MIA2: variants seen among roughly 807,000 people sequenced by gnomAD.
MIA2 encodes the protein MIA SH3 domain ER export factor 2.
MIA2 carries 127 observed loss-of-function variants against 167.8 expected under a neutral mutation model. The observed-to-expected ratio is 0.76, with a 90% confidence interval of 0.66 to 0.88. The LOEUF (loss-of-function observed/expected upper bound fraction) is 0.88, where lower values mean the gene tolerates loss of function less well. Ranked by LOEUF, MIA2 falls within the 40% of genes least tolerant of loss-of-function variation. MIA2 has a pLI of 0.00. For missense variants in MIA2, 1,690 were observed against 1,624.7 expected (o/e 1.04, Z -0.69); for synonymous variants, 552 against 541.9 (o/e 1.02, Z -0.26).
intron 26 of MIA2, among the ~76,000 whole-genome samples, chr14:39,346,624 G>A (rs1359369834): frequency 2.0e-5 from 3 of 149,750 alleles, no homozygotes; most frequent in Admixed American, 1.3e-4. Context: ...AAATGTATTG[G>A]TAAAAGGTTT....
At chr14:39,320,625 T>A (rs2066243707) in intron 23 of MIA2, among the ~76,000 whole-genome samples, 1 of 152,196 alleles carries the variant, frequency 6.6e-6, no homozygotes, top group Non-Finnish European at 1.5e-5. Context: ...CTCCTATAAC[T>A]CTAAGATATA....
intron 14 of MIA2, among the ~76,000 whole-genome samples, chr14:39,301,774 G>C (rs140609600): frequency 2.0e-5 from 3 of 152,248 alleles, no homozygotes; most frequent in South Asian, 4.1e-4. Flanking sequence ...TCTCACTGCA[G>C]ATGTGTTTGG....
chr14:39,303,427 G>C (rs367809921), intron 15 of MIA2, 51 bp from the exon 16 acceptor site: 4 of 1,334,972 alleles, frequency 3.0e-6, no homozygotes, highest in Admixed American at 1.8e-5. Context: ...GTCTATTGTC[G>C]TATTGTACTA....
At chr14:39,383,485 A>G (rs369578776) in intron 23 of MIA2, among the ~76,000 whole-genome samples, 2 of 152,248 alleles carry the variant, frequency 1.3e-5, no homozygotes, top group Non-Finnish European at 2.9e-5. Flanking sequence ...CTAAGATACA[A>G]TCATTAAAAT....
intron 3 of MIA2, among the ~76,000 whole-genome samples, chr14:39,246,076 A>T (rs1182573898): frequency 1.3e-5 from 1 of 79,994 alleles, no homozygotes; most frequent in Non-Finnish European, 2.4e-5. Context: ...AATTATTTTT[A>T]AAAATTTTTA....
At chr14:39,315,391 A>G (rs1456572491) in intron 20 of MIA2, 1 of 263,450 alleles carries the variant, frequency 3.8e-6, no homozygotes. Context: ...GTGTATCAAC[A>G]GTGGGGTCTC....
intron 13 of MIA2, among the ~76,000 whole-genome samples, chr14:39,298,289 T>C (rs1180638743): frequency 4.0e-5 from 6 of 151,704 alleles, no homozygotes; most frequent in African/African-American, 1.2e-4. Flanking sequence ...CCTTCTCTAA[T>C]GTTTTAATAC....
At chr14:39,257,095 T>C (rs1471843501) in intron 6 of MIA2, among the ~76,000 whole-genome samples, 2 of 152,204 alleles carry the variant, frequency 1.3e-5, no homozygotes, top group Non-Finnish European at 2.9e-5. Context: ...AGATGTCTAT[T>C]AGGTCGGCTT....
chr14:39,297,107 T>G (rs546392911), intron 13 of MIA2, among the ~76,000 whole-genome samples: 1 of 147,900 alleles, frequency 6.8e-6, no homozygotes, highest in East Asian at 2.0e-4. Flanking sequence ...GATATATATT[T>G]TTTTTGTGAC....
intron 11 of MIA2, 95 bp downstream of exon 11, chr14:39,293,476 A>AC: frequency 1.1e-6 from 1 of 878,872 alleles, no homozygotes; most frequent in Non-Finnish European, 1.7e-6. Context: ...ACATTATTGT[A>AC]AAAAATGTAA....
intron 17 of MIA2, among the ~76,000 whole-genome samples, chr14:39,306,773 A>G (rs1481523960): frequency 6.6e-6 from 1 of 152,160 alleles, no homozygotes; most frequent in East Asian, 1.9e-4. Flanking sequence ...TATACACGTT[A>G]CAGGAGATGA....
At chr14:39,342,584 C>T (rs529677000) in intron 25 of MIA2, among the ~76,000 whole-genome samples, 1 of 152,254 alleles carries the variant, frequency 6.6e-6, no homozygotes, top group South Asian at 2.1e-4. Flanking sequence ...GAGGAATTGC[C>T]ACACTGACTT....
At chr14:39,346,906 T>C in intron 26 of MIA2, 3 of 328,450 alleles carry the variant, frequency 9.1e-6, no homozygotes, top group Non-Finnish European at 1.2e-5. Flanking sequence ...TTGCTCAGCC[T>C]GGAAAGTCAG....
intron 13 of MIA2, among the ~76,000 whole-genome samples, chr14:39,297,666 C>CGCGTGTGTGTGTGT (rs1555375078): frequency 7.1e-6 from 1 of 140,074 alleles, no homozygotes; most frequent in Non-Finnish European, 1.5e-5. Flanking sequence ...TAGGGTTTTG[C>CGCGTGTGTGTGTGT]GTGTGTGTGT....
intron 25 of MIA2, among the ~76,000 whole-genome samples, chr14:39,332,995 T>G (rs1314416075): frequency 1.3e-5 from 2 of 152,208 alleles, no homozygotes; most frequent in Non-Finnish European, 2.9e-5. Flanking sequence ...TTTTCAGGTC[T>G]AAAATTACCA....
rs111959557 is a variant in MIA2 at position 39,300,790 on chromosome 14, C to T, written c.2619+804C>T. 2.8e-3 allele frequency among the ~76,000 whole-genome samples: 422 copies of T among 151,540 alleles called. 1 individual carries two copies. Among genetic ancestry groups the T allele is most frequent in the Non-Finnish European group, 4.7e-3 (319 of 67,932 alleles). On this transcript the variant is annotated intron_variant, in intron 14 of 28. Coordinates refer to ENST00000640607, the MANE Select transcript of MIA2 (RefSeq NM_001329214.4). Reference sequence around the variant, plus strand: ...ATGTAACAAACCTGCACATTGTGCACGTGTATCCCAGAACTTAAAATATAA... The same window carrying T: ...ATGTAACAAACCTGCACATTGTGCATGTGTATCCCAGAACTTAAAATATAA...
intron 25 of MIA2, among the ~76,000 whole-genome samples, chr14:39,343,396 C>G (rs1321494119): frequency 6.6e-6 from 1 of 152,194 alleles, no homozygotes; most frequent in Non-Finnish European, 1.5e-5. Context: ...GTCCACCTGC[C>G]TTGGCCTCTC....
intron 25 of MIA2, among the ~76,000 whole-genome samples, chr14:39,335,726 A>C (rs1167959365): frequency 6.6e-6 from 1 of 152,142 alleles, no homozygotes; most frequent in Non-Finnish European, 1.5e-5. Context: ...TGAGCATAGT[A>C]CCCACAGTTT....
intron 9 of MIA2, among the ~76,000 whole-genome samples, chr14:39,282,058 CTT>C (rs1339205387): frequency 1.3e-5 from 2 of 151,960 alleles, no homozygotes; most frequent in Non-Finnish European, 1.5e-5. Flanking sequence ...CATTTTTTCT[CTT>C]GTTTCTCAGT....
Sources: allele counts gnomAD v4.1 joint callset (sites outside exome capture counted in the v4.1 genomes callset), GRCh38; gene constraint gnomAD v4.1.1; transcripts MANE v1.5; gene names NCBI Gene and HGNC (gene_info 2026-07-23, HGNC 2026-07-21).